Variants in FBLN5 observed in about 807,000 individuals in gnomAD.
FBLN5 encodes the protein fibulin-5.
FBLN5 carries 24 observed loss-of-function variants against 61.6 expected under a neutral mutation model. The observed-to-expected ratio is 0.39, with a 90% CI of 0.28 to 0.55. The LOEUF (loss-of-function observed/expected upper bound fraction) is 0.55, where lower values mean the gene tolerates loss of function less well. Among genes scored for constraint, FBLN5 ranks in the 20% least tolerant of loss-of-function variants. The probability of loss-of-function intolerance (pLI) is 0.65; values close to 1 mark genes in which losing one functional copy is unlikely to be tolerated. For synonymous variants in FBLN5, 213 were observed against 219.8 expected (o/e 0.97, Z 0.27); for missense variants, 470 against 594.1 (o/e 0.79, Z 2.17).
intron 4 of FBLN5, among the ~76,000 whole-genome samples, chr14:91,932,983 G>C (rs2055951870): frequency 6.6e-6 from 1 of 152,230 alleles, no homozygotes; most frequent in Non-Finnish European, 1.5e-5. Context: ...CCCTCTGGGT[G>C]GATATTCCAA....
At chr14:91,885,064 G>A (rs186450934) in intron 7 of FBLN5, among the ~76,000 whole-genome samples, 1 of 152,218 alleles carries the variant, frequency 6.6e-6, no homozygotes, top group Non-Finnish European at 1.5e-5. Flanking sequence ...CACCCCAGCC[G>A]TGATAACACA....
At position 91,943,018 on chromosome 14, in the gene FBLN5, T is replaced by C; in HGVS notation, c.18-57A>G. 2 of 1,202,932 alleles carry C rather than the reference T, an allele frequency of 1.7e-6. No individual in the cohort carries two copies. The highest frequency in any genetic ancestry group is 1.3e-5 in the South Asian group (1 of 77,028). 74.5% of individuals were successfully genotyped at this position (1,202,932 alleles called of 1,614,324 possible). On this transcript the variant is annotated intron_variant, in intron 1 of 10. Coordinates refer to ENST00000342058, the MANE Select transcript of FBLN5 (RefSeq NM_006329.4). The surrounding 1 kb of genome is among the most constrained non-coding windows in gnomAD (Gnocchi z 4.0). ...CAAGACAGATTCAGGTCTAGGGGAGTGTGGGTCGCATGCGGCCCGTGACGT... is the reference window on the plus strand; with the variant it reads ...CAAGACAGATTCAGGTCTAGGGGAGCGTGGGTCGCATGCGGCCCGTGACGT...
At chr14:91,872,627 C>A (rs1888993276) in intron 10 of FBLN5, among the ~76,000 whole-genome samples, 1 of 152,154 alleles carries the variant, frequency 6.6e-6, no homozygotes, top group Non-Finnish European at 1.5e-5. Flanking sequence ...GGCGCTGGGA[C>A]CTCCCCTATC....
intron 10 of FBLN5, among the ~76,000 whole-genome samples, chr14:91,876,316 C>T (rs747716558): frequency 6.6e-6 from 1 of 152,146 alleles, no homozygotes; most frequent in Non-Finnish European, 1.5e-5. Context: ...ATATAAACGC[C>T]CATGGACCTT....
chr14:91,940,830 C>A (rs140907919), intron 2 of FBLN5, among the ~76,000 whole-genome samples: 2 of 152,242 alleles, frequency 1.3e-5, no homozygotes, highest in Non-Finnish European at 2.9e-5. Flanking sequence ...CCAGGCCAGG[C>A]GCAGTGGCTC....
intron 4 of FBLN5, among the ~76,000 whole-genome samples, chr14:91,926,163 C>T (rs2055824822): frequency 6.6e-6 from 1 of 152,176 alleles, no homozygotes; most frequent in South Asian, 2.1e-4. Context: ...CACCCACTTC[C>T]CTGAACCCCC....
Position 91,877,950 on chromosome 14 carries a change from C to T in FBLN5, c.990-268G>A, listed in dbSNP as rs536183580. 2.0e-4 allele frequency: 115 copies of T among 572,930 alleles called. 1 individual carries two copies. The highest frequency in any genetic ancestry group is 1.7e-3 in the South Asian group (110 of 65,200). The allele number at this position is 572,930 out of a possible 1,614,324, so 35.5% of individuals were successfully genotyped here. ...AACCTTAGATCTCTGGTTTTCAGAA[C>T]ATTAGAACATTCTCCAAGATACTTT... is the stretch of plus-strand genomic sequence containing the variant. On this transcript the variant is annotated intron_variant, in intron 9 of 10. Transcript: ENST00000342058.
chr14:91,921,673 T>C (rs2055736658), intron 4 of FBLN5, among the ~76,000 whole-genome samples: 1 of 152,156 alleles, frequency 6.6e-6, no homozygotes, highest in Non-Finnish European at 1.5e-5. Flanking sequence ...TGGGAGTAAC[T>C]GCGGTGTAAT....
chr14:91,898,414 G>A (rs774688726), intron 4 of FBLN5, among the ~76,000 whole-genome samples: 4 of 151,932 alleles, frequency 2.6e-5, no homozygotes, highest in South Asian at 2.1e-4. Flanking sequence ...CCACCACCAC[G>A]CCAACCACTG....
At chr14:91,940,663 TAA>T in intron 2 of FBLN5, 47 bp from the exon 3 acceptor site, 1 of 1,544,524 alleles carries the variant, frequency 6.5e-7, no homozygotes, top group Non-Finnish European at 8.9e-7. Context: ...TTTCACACCA[TAA>T]AAGTCTTATT....
At chr14:91,903,617 G>A (rs1890551605) in intron 4 of FBLN5, among the ~76,000 whole-genome samples, 1 of 151,962 alleles carries the variant, frequency 6.6e-6, no homozygotes. Flanking sequence ...ATCATAGTCT[G>A]TGAACTCCTT....
chr14:91,904,571 C>T (rs971065270), intron 4 of FBLN5, among the ~76,000 whole-genome samples: 10 of 152,322 alleles, frequency 6.6e-5, no homozygotes, highest in Admixed American at 2.6e-4. Flanking sequence ...GGCTTAAACA[C>T]GAGGCTTTTA....
intron 4 of FBLN5, among the ~76,000 whole-genome samples, chr14:91,914,726 G>A (rs1250644370): frequency 6.7e-6 from 1 of 150,274 alleles, no homozygotes; most frequent in African/African-American, 2.4e-5. Flanking sequence ...AAAGCAAAAG[G>A]AAAAGAAAGA....
intron 4 of FBLN5, among the ~76,000 whole-genome samples, chr14:91,905,975 C>T (rs1171093912): frequency 6.6e-6 from 1 of 152,114 alleles, no homozygotes; most frequent in Non-Finnish European, 1.5e-5. Flanking sequence ...GCAACCTCTG[C>T]CTCCCGGGTC....
At chr14:91,945,612 TG>T (rs2056171324) in intron 1 of FBLN5, among the ~76,000 whole-genome samples, 4 of 152,150 alleles carry the variant, frequency 2.6e-5, no homozygotes, top group South Asian at 4.2e-4. Context: ...TCAGGACACA[TG>T]GCCCATCTGC....
chr14:91,903,395 T>C (rs775051043), intron 4 of FBLN5, among the ~76,000 whole-genome samples: 2 of 152,196 alleles, frequency 1.3e-5, no homozygotes, highest in Non-Finnish European at 2.9e-5. Flanking sequence ...ATTCCCTGAC[T>C]ACCCATAAAG....
chr14:91,933,439 T>A (rs963024607), intron 4 of FBLN5, among the ~76,000 whole-genome samples: 14 of 152,058 alleles, frequency 9.2e-5, no homozygotes, highest in African/African-American at 3.4e-4. Flanking sequence ...CACACCCAAC[T>A]AATTTTTGTA....
intron 4 of FBLN5, among the ~76,000 whole-genome samples, chr14:91,906,891 A>C (rs530702429): frequency 6.6e-6 from 1 of 152,320 alleles, no homozygotes; most frequent in South Asian, 2.1e-4. Context: ...TTCAAAGATA[A>C]ATGACACACA....
chr14:91,882,028 G>A lies in FBLN5; in HGVS notation c.863-610C>T, dbSNP rs1303365993. Among the ~76,000 whole-genome samples, 1 of 151,644 alleles carries A rather than the reference G, an allele frequency of 6.6e-6. No individual in the cohort carries two copies. The highest frequency in any genetic ancestry group is 1.5e-5 in the Non-Finnish European group (1 of 67,890). On this transcript the variant is annotated intron_variant, in intron 8 of 10. Coordinates refer to ENST00000342058, the MANE Select transcript of FBLN5 (RefSeq NM_006329.4). The surrounding 1 kb of genome is among the most constrained non-coding windows in gnomAD (Gnocchi z 4.9). The stretch of plus-strand genomic sequence containing the variant: ...AAAAATTAGCCCGGCATGGTGGCAT[G>A]TGCCTGTAGTCCCAGCTACTTGGGA...
Sources: allele counts gnomAD v4.1 joint callset (sites outside exome capture counted in the v4.1 genomes callset), GRCh38; gene constraint gnomAD v4.1.1; non-coding constraint Gnocchi (gnomAD v3.1); transcripts MANE v1.5; gene names NCBI Gene and HGNC (gene_info 2026-07-23, HGNC 2026-07-21).